Variants in SPNS3 observed in about 807,000 individuals in gnomAD.
SPNS3 encodes the protein SPNS lysolipid transporter 3, sphingosine-1-phosphate (putative).
Under a neutral mutation model 54.4 loss-of-function variants are expected in SPNS3, and 51 were observed. That is an observed-to-expected ratio of 0.94 (90% confidence interval 0.75 to 1.18). SPNS3 has a LOEUF of 1.18. Ranked by LOEUF, SPNS3 falls within the 50% of genes most tolerant of loss-of-function variation. The pLI is 0.00. For synonymous variants in SPNS3, 309 were observed against 294.7 expected (o/e 1.05, Z -0.50); for missense variants, 669 against 677.4 (o/e 0.99, Z 0.14).
intron 9 of SPNS3, among the ~76,000 whole-genome samples, chr17:4,480,019 T>C (rs1972111138): frequency 1.3e-5 from 2 of 152,246 alleles, no homozygotes; most frequent in Non-Finnish European, 2.9e-5. Context: ...GTTATGGGCA[T>C]GTATAGTCGT....
In SPNS3 at chr17:4,449,407, C is replaced by G. The variant is rs773549831; in HGVS notation, c.923+20C>G. The stretch of plus-strand genomic sequence containing the variant: ...CGACAGGTGAGGGCATCCGGGGGCC[C>G]TGGGCACCTGGCCCGGCTCGGGGGC... On this transcript the variant is annotated intron_variant, in intron 7 of 11. Coordinates refer to ENST00000355530, the MANE Select transcript of SPNS3 (RefSeq NM_182538.5). The G allele has an allele frequency of 1.2e-4, 183 of 1,559,838 alleles. No individual in the cohort carries two copies. The highest frequency in any genetic ancestry group is 1.5e-5 in the Non-Finnish European group (17 of 1,162,810).
Position 4,487,917 on chromosome 17 carries a change from GC to G in SPNS3, c.*25del. The G allele has an allele frequency of 6.2e-7, 1 of 1,605,098 alleles. No individual in the cohort carries two copies. Among genetic ancestry groups the G allele is most frequent in the Non-Finnish European group, 8.5e-7 (1 of 1,172,250 alleles). The stretch of plus-strand genomic sequence containing the variant: ...TGAGGTCCCTGCCTACACTCGTCCT[GC>G]CTGCAAGCCTCCCGTTGGTCCCCAC... On this transcript the variant is annotated 3_prime_UTR_variant, in exon 12 of 12. Coordinates refer to ENST00000355530, the MANE Select transcript of SPNS3 (RefSeq NM_182538.5).
intron 8 of SPNS3, among the ~76,000 whole-genome samples, chr17:4,470,429 AAAT>A (rs1971824975): frequency 6.6e-6 from 1 of 151,890 alleles, no homozygotes; most frequent in African/African-American, 2.4e-5. Flanking sequence ...CCCTGTCTTA[AAAT>A]AATATTAGTA....
intron 8 of SPNS3, among the ~76,000 whole-genome samples, chr17:4,464,958 G>A (rs1971638996): frequency 6.6e-6 from 1 of 152,216 alleles, no homozygotes; most frequent in South Asian, 2.1e-4. Flanking sequence ...TGGGATTACA[G>A]GCATGAGCCA....
intron 7 of SPNS3, among the ~76,000 whole-genome samples, chr17:4,450,376 C>T (rs1210125692): frequency 9.3e-6 from 1 of 107,480 alleles, no homozygotes; most frequent in Non-Finnish European, 1.9e-5. Context: ...TCTCCCTACC[C>T]CTCCCTCCCT....
At chr17:4,480,861 G>C (rs1033760785) in intron 9 of SPNS3, among the ~76,000 whole-genome samples, 4 of 152,046 alleles carry the variant, frequency 2.6e-5, no homozygotes, top group Admixed American at 2.6e-4. Flanking sequence ...CCCCTTCCCT[G>C]CCTTCCCACC....
At chr17:4,456,588 C>T (rs191917335) in intron 8 of SPNS3, among the ~76,000 whole-genome samples, 25 of 152,248 alleles carry the variant, frequency 1.6e-4, no homozygotes, top group African/African-American at 5.3e-4. Flanking sequence ...TACAGTGGCA[C>T]GATCTAGACT....
At chr17:4,469,276 G>A (rs1971791016) in intron 8 of SPNS3, among the ~76,000 whole-genome samples, 3 of 151,800 alleles carry the variant, frequency 2.0e-5, no homozygotes, top group African/African-American at 7.3e-5. Flanking sequence ...TTGTAGAGAC[G>A]GGGTTTCACT....
Position 4,486,814 on chromosome 17 carries a change from A to G in SPNS3, c.1450+231A>G, listed in dbSNP as rs577679575. ...TAGTTGGTGAAGACAGACCAGAAAC[A>G]GAAAAGGTTAAAGATATAGCATGTT... On this transcript the variant is annotated intron_variant, in intron 11 of 11. Coordinates refer to ENST00000355530, the MANE Select transcript of SPNS3 (RefSeq NM_182538.5). The surrounding 1 kb of genome is among the most constrained non-coding windows in gnomAD (Gnocchi z 5.5). 6.6e-6 allele frequency among the ~76,000 whole-genome samples: 1 copy of G among 152,318 alleles called. No individual in the cohort carries two copies.
intron 1 of SPNS3, among the ~76,000 whole-genome samples, chr17:4,439,010 A>G (rs1049588641): frequency 2.0e-5 from 3 of 151,366 alleles, no homozygotes; most frequent in Admixed American, 2.0e-4. Flanking sequence ...GCCTGTTTGT[A>G]TCTATATCTG....
chr17:4,459,132 C>CT (rs1437811597), intron 8 of SPNS3, among the ~76,000 whole-genome samples: 5 of 152,174 alleles, frequency 3.3e-5, no homozygotes, highest in Non-Finnish European at 7.3e-5. Context: ...GTTGCTGGGC[C>CT]TGACCCTCTC....
At position 4,477,613 on chromosome 17, in the gene SPNS3, C is replaced by T. The variant is rs149618287; in HGVS notation, c.1114-959C>T. Among the ~76,000 whole-genome samples, 418 of 152,168 alleles carry T rather than the reference C, an allele frequency of 2.7e-3. 2 individuals carry two copies. The highest frequency in any genetic ancestry group is 9.2e-3 in the African/African-American group (383 of 41,504). ...GTGTTCTGGGCTTGTAACCAGAGGA[C>T]ACTGGGAGCAGGGCTGGGGGTGGGC... On this transcript the variant is annotated intron_variant, in intron 8 of 11. Transcript: ENST00000355530.
chr17:4,451,691 G>A (rs912968792), intron 7 of SPNS3, among the ~76,000 whole-genome samples: 12 of 150,946 alleles, frequency 7.9e-5, no homozygotes, highest in African/African-American at 2.9e-4. Context: ...TTTTTGAGAC[G>A]GAGTCTTGCT....
intron 1 of SPNS3, among the ~76,000 whole-genome samples, chr17:4,439,122 TTTTC>T (rs1278255754): frequency 6.6e-5 from 10 of 151,130 alleles, no homozygotes; most frequent in South Asian, 4.2e-4. Context: ...CTTTCTTTCT[TTTTC>T]TTTCTTTTTT....
chr17:4,463,731 C>T (rs867713636), intron 8 of SPNS3, among the ~76,000 whole-genome samples: 2 of 149,288 alleles, frequency 1.3e-5, no homozygotes, highest in African/African-American at 4.9e-5. Context: ...GAGTGAGACT[C>T]CATCTCGAAA....
At chr17:4,451,603 C>G (rs1300367858) in intron 7 of SPNS3, among the ~76,000 whole-genome samples, 1 of 152,160 alleles carries the variant, frequency 6.6e-6, no homozygotes, top group East Asian at 1.9e-4. Flanking sequence ...CCTGGTTGGA[C>G]TGGTGTTTTC....
chr17:4,469,759 C>T (rs575978455), intron 8 of SPNS3, among the ~76,000 whole-genome samples: 51 of 152,066 alleles, frequency 3.4e-4, no homozygotes, highest in African/African-American at 6.0e-4. Flanking sequence ...CGAGCTTGGA[C>T]GCATTCCACA....
chr17:4,464,413 T>C (rs1017285759), intron 8 of SPNS3, among the ~76,000 whole-genome samples: 2 of 152,126 alleles, frequency 1.3e-5, no homozygotes, highest in Non-Finnish European at 2.9e-5. Context: ...GGCTGGAGGA[T>C]GTGGCTGAAC....
At chr17:4,439,600 C>T (rs1397467290) in intron 1 of SPNS3, 58 bp from the exon 2 acceptor site, 9 of 1,546,724 alleles carry the variant, frequency 5.8e-6, no homozygotes, top group Non-Finnish European at 5.3e-6. Flanking sequence ...GGAGCAGCTG[C>T]CTTTAGAGGC....
Sources: gnomAD v4.1 joint callset for allele counts (sites outside exome capture counted in the v4.1 genomes callset) on GRCh38, gnomAD v4.1.1 for gene constraint, Gnocchi (gnomAD v3.1) non-coding constraint, MANE v1.5 for transcripts, NCBI Gene and HGNC (gene_info 2026-07-23, HGNC 2026-07-21) for gene names.